The following TPGS2 variants were observed in gnomAD, a reference collection of about 807,000 sequenced individuals.
TPGS2 encodes the protein tubulin polyglutamylase complex subunit 2.
TPGS2 carries 26 observed loss-of-function variants against 31.1 expected under a neutral mutation model. That is an observed-to-expected ratio of 0.84 (90% CI 0.61 to 1.16). The LOEUF (loss-of-function observed/expected upper bound fraction) is 1.16, where lower values mean the gene tolerates loss of function less well. TPGS2 is among the 50% of genes most tolerant of loss of function. The pLI is 0.00. For missense variants in TPGS2, 351 were observed against 363.8 expected (o/e 0.96, Z 0.29); for synonymous variants, 130 against 136.6 (o/e 0.95, Z 0.34).
chr18:36,798,360 T>G (rs561965691), intron 6 of TPGS2, 89 bp downstream of exon 6: 28 of 1,586,558 alleles, frequency 1.8e-5, no homozygotes, highest in Non-Finnish European at 2.1e-5. Context: ...CTGAATCAGA[T>G]AGGGAAGTTG....
intron 1 of TPGS2, among the ~76,000 whole-genome samples, chr18:36,825,151 G>C (rs535954842): frequency 6.6e-6 from 1 of 152,226 alleles, no homozygotes; most frequent in African/African-American, 2.4e-5. Flanking sequence ...CAATGAATCA[G>C]GCCGGGCACG....
chr18:36,827,944 C>G (rs1317968778), intron 1 of TPGS2, among the ~76,000 whole-genome samples: 1 of 152,124 alleles, frequency 6.6e-6, no homozygotes, highest in African/African-American at 2.4e-5. Context: ...CGGTGGCTCA[C>G]GCCTGTAATT....
At position 36,795,011 on chromosome 18, in the gene TPGS2, G is replaced by A. The variant is rs2044461757; in HGVS notation, c.*1794C>T. ...AGTTTATGCTCCCAAAGACTCTTAA[G>A]CGCTGATATTTCAAGACTTTGAACT... On this transcript the variant is annotated 3_prime_UTR_variant, in exon 7 of 7. Transcript: ENST00000334295. The A allele has an allele frequency of 1.0e-6, 1 of 985,392 alleles. No individual in the cohort carries two copies. Among genetic ancestry groups the A allele is most frequent in the Non-Finnish European group, 1.2e-6 (1 of 829,926 alleles). 61.0% of individuals were successfully genotyped at this position (985,392 alleles called of 1,614,324 possible). A position where few individuals can be genotyped will look rare whatever the true frequency, so the allele number is the denominator to read the frequency against.
In TPGS2 at chr18:36,797,059, C is replaced by T. The variant is rs2044564606; in HGVS notation, c.658-9G>A. Reference sequence around the variant, plus strand: ...TACATGCTGAACCATTGCTGTAAGGCAGAATTGGAAGACAAGGTCACAATT... The same window carrying T: ...TACATGCTGAACCATTGCTGTAAGGTAGAATTGGAAGACAAGGTCACAATT... On this transcript the variant is annotated splice_polypyrimidine_tract_variant and intron_variant, in intron 6 of 6. Transcript: ENST00000334295. The T allele has an allele frequency of 6.3e-7, 1 of 1,591,962 alleles. No homozygotes were observed. The highest frequency in any genetic ancestry group is 1.4e-5 in the African/African-American group (1 of 73,630).
chr18:36,798,728 TGTAAA>T (rs1276950587), intron 5 of TPGS2, 119 bp from the exon 6 acceptor site: 14 of 1,454,556 alleles, frequency 9.6e-6, no homozygotes, highest in East Asian at 2.3e-5. Flanking sequence ...GAATGGAAAA[TGTAAA>T]GTAAAAGTTC....
intron 1 of TPGS2, among the ~76,000 whole-genome samples, chr18:36,828,295 A>G (rs1005084640): frequency 2.0e-5 from 3 of 152,138 alleles, no homozygotes; most frequent in African/African-American, 7.2e-5. Context: ...CGGGTGCATT[A>G]CTTCCCCCAG....
intron 3 of TPGS2, 50 bp downstream of exon 3, chr18:36,807,797 A>G: frequency 6.4e-7 from 1 of 1,573,972 alleles, no homozygotes; most frequent in Non-Finnish European, 8.7e-7. Flanking sequence ...GAGTTGTCCC[A>G]TTCAATCTCT....
rs1319561147 is a variant in TPGS2, at chr18:36,794,391, A to G, written c.*2414T>C. On this transcript the variant is annotated 3_prime_UTR_variant, in exon 7 of 7. Transcript: ENST00000334295. ...CCCCTTCCTTTGATAGCCTTTTGAGAACTCCCACTTGATTGCCACAGATTT... is the reference window on the plus strand; with the variant it reads ...CCCCTTCCTTTGATAGCCTTTTGAGGACTCCCACTTGATTGCCACAGATTT... The G allele has an allele frequency of 1.0e-6, 1 of 985,210 alleles. No homozygotes were observed. The highest frequency in any genetic ancestry group is 6.2e-5 in the Admixed American group (1 of 16,234). 61.0% of individuals were successfully genotyped at this position (985,210 alleles called of 1,614,324 possible). A position where few individuals can be genotyped will look rare whatever the true frequency, so the allele number is the denominator to read the frequency against.
At chr18:36,802,877 C>T (rs751661091) in intron 4 of TPGS2, among the ~76,000 whole-genome samples, 3 of 152,130 alleles carry the variant, frequency 2.0e-5, no homozygotes, top group South Asian at 2.1e-4. Flanking sequence ...TCGCCCCCCT[C>T]GGCCTCCCAA....
chr18:36,827,620 TA>T (rs1420700481), intron 1 of TPGS2, among the ~76,000 whole-genome samples: 2 of 152,226 alleles, frequency 1.3e-5, no homozygotes, highest in African/African-American at 4.8e-5. Flanking sequence ...GATTTTATTA[TA>T]ATTGTGATGG....
intron 1 of TPGS2, among the ~76,000 whole-genome samples, chr18:36,823,457 C>CTTTTTTTTTTTTTTTTT (rs1193182256): frequency 1.9e-5 from 2 of 107,076 alleles, no homozygotes; most frequent in Non-Finnish European, 3.6e-5. Context: ...TTGTTAACAG[C>CTTTTTTTTTTTTTTTTT]TTGTTTTTTT....
intron 5 of TPGS2, among the ~76,000 whole-genome samples, chr18:36,799,658 C>G (rs1022849002): frequency 1.3e-5 from 2 of 152,116 alleles, no homozygotes; most frequent in African/African-American, 4.8e-5. Flanking sequence ...TCCTCTCACC[C>G]CTACCAGACA....
intron 1 of TPGS2, among the ~76,000 whole-genome samples, chr18:36,819,503 C>A (rs2045805576): frequency 6.6e-6 from 1 of 152,132 alleles, no homozygotes; most frequent in African/African-American, 2.4e-5. Flanking sequence ...AAAGTTAAGT[C>A]ATATTTCTAA....
chr18:36,826,520 G>A (rs2046144452), intron 1 of TPGS2, among the ~76,000 whole-genome samples: 1 of 151,838 alleles, frequency 6.6e-6, no homozygotes, highest in South Asian at 2.1e-4. Context: ...TCAATTGGAT[G>A]TCTTTATTTC....
chr18:36,797,195 C>A (rs2044571285), intron 6 of TPGS2, 145 bp from the exon 7 acceptor site: 1 of 1,467,406 alleles, frequency 6.8e-7, no homozygotes, highest in East Asian at 2.4e-5. Context: ...ATTTGCTCTT[C>A]CTTTAAGTGG....
At chr18:36,823,056 G>A (rs1285538760) in intron 1 of TPGS2, among the ~76,000 whole-genome samples, 3 of 152,100 alleles carry the variant, frequency 2.0e-5, no homozygotes, top group Non-Finnish European at 2.9e-5. Flanking sequence ...TTATATTGCT[G>A]AGTAATAAAT....
rs1212787248 is a variant in TPGS2, at chr18:36,795,872, T to TAACA, written c.*929_*932dup. 1.0e-6 allele frequency: 1 copy of TAACA among 985,364 alleles called. No individual in the cohort carries two copies. The highest frequency in any genetic ancestry group is 1.7e-5 in the African/African-American group (1 of 57,254). The allele number at this position is 985,364 out of a possible 1,614,324, so 61.0% of individuals were successfully genotyped here. On this transcript the variant is annotated 3_prime_UTR_variant, in exon 7 of 7. Transcript: ENST00000334295. The stretch of plus-strand genomic sequence containing the variant: ...GGCAGAGCAGGTGGAAAGCTTCTGT[T>TAACA]AACAGTGTCTGGCACCATTAAAACT...
chr18:36,814,087 C>T (rs1212333466), intron 2 of TPGS2, among the ~76,000 whole-genome samples: 2 of 152,230 alleles, frequency 1.3e-5, no homozygotes, highest in Non-Finnish European at 2.9e-5. Flanking sequence ...GTTTCACCAT[C>T]AGTAAACTGA....
At chr18:36,804,089 A>G (rs2150589850) in intron 4 of TPGS2, among the ~76,000 whole-genome samples, 1 of 152,280 alleles carries the variant, frequency 6.6e-6, no homozygotes, top group African/African-American at 2.4e-5. Context: ...CAGCCTCACA[A>G]GTAGCTAGGA....
Sources: allele counts gnomAD v4.1 joint callset (sites outside exome capture counted in the v4.1 genomes callset), GRCh38; gene constraint gnomAD v4.1.1; transcripts MANE v1.5; gene names NCBI Gene and HGNC (gene_info 2026-07-23, HGNC 2026-07-21).